The following RORA variants were observed in gnomAD, a reference collection of about 807,000 sequenced individuals.
The protein encoded by RORA is RAR related orphan receptor A.
In RORA, 7 loss-of-function variants were observed where a neutral mutation model predicts 69.5. The observed-to-expected ratio is 0.10, with a 90% CI of 0.06 to 0.19. The LOEUF (loss-of-function observed/expected upper bound fraction) is 0.19. Among genes scored for constraint, RORA ranks in the 10% least tolerant of loss-of-function variants. RORA has a pLI of 1.00. For missense variants in RORA, 457 were observed against 663.0 expected, an observed-to-expected ratio of 0.69 and a Z score of 3.41; for synonymous variants, 261 against 240.8, an observed-to-expected ratio of 1.08 and a Z score of -0.78.
chr15:61,175,466 G>C (rs1414253262), intron 1 of RORA, among the ~76,000 whole-genome samples: 1 of 151,222 alleles, frequency 6.6e-6, no homozygotes, highest in African/African-American at 2.4e-5. Flanking sequence ...CAGCACTCTG[G>C]GTGGCTGAGG....
intron 1 of RORA, among the ~76,000 whole-genome samples, chr15:61,076,936 T>TA (rs76513450): frequency 0.33 from 45,791 of 139,490 alleles, 7,526 homozygotes; most frequent in Non-Finnish European, 0.4. Context: ...TTGTTCAAAG[T>TA]AAAAAAAAAA....
intron 1 of RORA, among the ~76,000 whole-genome samples, chr15:61,000,350 C>T (rs886952734): frequency 1.3e-5 from 2 of 152,176 alleles, no homozygotes; most frequent in Admixed American, 1.3e-4. Context: ...ACAGATTGTT[C>T]TACTGACCAG....
intron 1 of RORA, among the ~76,000 whole-genome samples, chr15:60,740,761 A>T (rs994605674): frequency 6.6e-6 from 1 of 152,174 alleles, no homozygotes; most frequent in Non-Finnish European, 1.5e-5. Context: ...CAAATGAGGT[A>T]TTTCTTTTAA....
At chr15:61,076,294 C>T (rs925749261) in intron 1 of RORA, among the ~76,000 whole-genome samples, 2 of 152,066 alleles carry the variant, frequency 1.3e-5, no homozygotes, top group South Asian at 2.1e-4. Context: ...CCACACTCGG[C>T]GATCCACCAA....
chr15:60,707,565 G>A (rs896523476), intron 1 of RORA, among the ~76,000 whole-genome samples: 10 of 151,926 alleles, frequency 6.6e-5, no homozygotes, highest in South Asian at 2.1e-4. Context: ...GGGTTTCACC[G>A]TGTTAGCCAG....
intron 1 of RORA, among the ~76,000 whole-genome samples, chr15:60,803,571 C>T (rs749954628): frequency 6.6e-6 from 1 of 152,162 alleles, no homozygotes; most frequent in Non-Finnish European, 1.5e-5. Flanking sequence ...CATTGCAGAG[C>T]GGGAGGGATG....
At chr15:60,948,153 T>C (rs1476855580) in intron 1 of RORA, among the ~76,000 whole-genome samples, 1 of 151,890 alleles carries the variant, frequency 6.6e-6, no homozygotes. Flanking sequence ...AAAAGACATT[T>C]GGGAAAGGGA....
chr15:61,028,253 A>G (rs921889983), intron 1 of RORA, among the ~76,000 whole-genome samples: 3 of 152,192 alleles, frequency 2.0e-5, no homozygotes, highest in Non-Finnish European at 4.4e-5. Context: ...CTATTAATAA[A>G]TACACAAACG....
intron 2 of RORA, among the ~76,000 whole-genome samples, chr15:60,617,005 G>T (rs2069261884): frequency 6.6e-6 from 1 of 152,170 alleles, no homozygotes; most frequent in South Asian, 2.1e-4. Context: ...GGGAAGACTT[G>T]CACAATATAG....
intron 3 of RORA, among the ~76,000 whole-genome samples, chr15:60,525,197 T>C (rs1567060390): frequency 6.6e-6 from 1 of 152,212 alleles, no homozygotes; most frequent in Non-Finnish European, 1.5e-5. Context: ...CAGGTTTCCA[T>C]ACAGGTAGGA....
At chr15:61,125,250 T>C (rs1042603919) in intron 1 of RORA, among the ~76,000 whole-genome samples, 1 of 152,188 alleles carries the variant, frequency 6.6e-6, no homozygotes, top group Non-Finnish European at 1.5e-5. Flanking sequence ...ATAAGGATAC[T>C]AAAAAACGTG....
At position 60,847,693 on chromosome 15, in the gene RORA, AATATCGT is replaced by A. The variant is rs1386448846; in HGVS notation, c.167-169014_167-169008del. 18 of 152,144 alleles carry A rather than the reference AATATCGT, an allele frequency of 1.2e-4. 1 individual carries two copies. Among genetic ancestry groups the A allele is most frequent in the Admixed American group, 3.9e-4 (6 of 15,270 alleles). 9.4% of individuals were successfully genotyped at this position (152,144 alleles called of 1,614,324 possible). ...AGATGTGGTACAAAAATGAATATAA[AATATCGT>A]ATTAATAAGTTTTCCATATTGATAC... On this transcript the variant is annotated intron_variant, in intron 1 of 10. Transcript: ENST00000335670.
At chr15:60,613,867 G>A (rs1215111357) in intron 2 of RORA, among the ~76,000 whole-genome samples, 1 of 151,546 alleles carries the variant, frequency 6.6e-6, no homozygotes, top group Non-Finnish European at 1.5e-5. Flanking sequence ...AAGGCCTTAT[G>A]GGACAATAAA....
intron 1 of RORA, among the ~76,000 whole-genome samples, chr15:60,740,040 C>G (rs983333950): frequency 6.6e-6 from 1 of 152,166 alleles, no homozygotes; most frequent in Admixed American, 6.5e-5. Context: ...CCTCACCTGA[C>G]TCCTCTCTTC....
At chr15:61,029,067 G>T (rs890363898) in intron 1 of RORA, among the ~76,000 whole-genome samples, 13 of 151,912 alleles carry the variant, frequency 8.6e-5, no homozygotes, top group African/African-American at 2.9e-4. Flanking sequence ...AGATAGTGGT[G>T]ATGGTTGCAC....
At chr15:60,601,507 T>C (rs913353615) in intron 2 of RORA, among the ~76,000 whole-genome samples, 2 of 152,126 alleles carry the variant, frequency 1.3e-5, no homozygotes, top group Non-Finnish European at 2.9e-5. Flanking sequence ...AACTAAAAAA[T>C]ACACAAATCA....
At chr15:61,136,073 AC>A (rs2079237553) in intron 1 of RORA, among the ~76,000 whole-genome samples, 2 of 152,056 alleles carry the variant, frequency 1.3e-5, no homozygotes, top group African/African-American at 4.8e-5. Flanking sequence ...TTAGGTATCG[AC>A]CCTGGTTTAA....
intron 1 of RORA, among the ~76,000 whole-genome samples, chr15:60,709,608 G>A (rs1354260436): frequency 6.6e-6 from 1 of 151,746 alleles, no homozygotes; most frequent in Non-Finnish European, 1.5e-5. Flanking sequence ...AAGTGCACAC[G>A]TGAGGGATCT....
intron 2 of RORA, among the ~76,000 whole-genome samples, chr15:60,606,623 C>G (rs340032): frequency 3.3e-5 from 5 of 151,980 alleles, no homozygotes; most frequent in African/African-American, 1.2e-4. Flanking sequence ...TGAGGCACTA[C>G]GTGAAATGTT....
Sources: allele counts gnomAD v4.1 joint callset (sites outside exome capture counted in the v4.1 genomes callset), GRCh38; gene constraint gnomAD v4.1.1; transcripts MANE v1.5; gene names NCBI Gene and HGNC (gene_info 2026-07-23, HGNC 2026-07-21).